KYNU: variants seen among roughly 807,000 people sequenced by gnomAD.
The protein encoded by KYNU is kynureninase.
KYNU carries 54 observed loss-of-function variants against 59.2 expected under a neutral mutation model. That is an observed-to-expected ratio of 0.91 (90% CI 0.73 to 1.14). The LOEUF is 1.14. Among genes scored for constraint, KYNU ranks in the 50% most tolerant of loss-of-function variants. The pLI is 0.00. For missense variants in KYNU, 567 were observed against 554.4 expected (o/e 1.02, Z -0.23); for synonymous variants, 177 against 192.0 (o/e 0.92, Z 0.65).
Position 143,045,344 on chromosome 2 carries a change from A to G in KYNU, c.*3172A>G, listed in dbSNP as rs550210837. On this transcript the variant is annotated 3_prime_UTR_variant, in exon 14 of 14. Transcript: ENST00000264170. ...TTTTTTGGTTCCATATGAAATTTAA[A>G]GTAGTTTTTTCTAATTCTGTGAAGA... is the stretch of plus-strand genomic sequence containing the variant. The G allele has an allele frequency of 4.9e-4, 75 of 152,282 alleles. No individual in the cohort carries two copies. Among genetic ancestry groups the G allele is most frequent in the African/African-American group, 1.7e-3 (72 of 41,572 alleles). The allele number at this position is 152,282 out of a possible 1,614,324, so 9.4% of individuals were successfully genotyped here. A position where few individuals can be genotyped will look rare whatever the true frequency, so the allele number is the denominator to read the frequency against.
At chr2:142,919,587 T>C (rs928527655) in intron 3 of KYNU, among the ~76,000 whole-genome samples, 3 of 152,198 alleles carry the variant, frequency 2.0e-5, no homozygotes, top group Non-Finnish European at 2.9e-5. Flanking sequence ...ATTCTTTACC[T>C]TTCTTCATTC....
At chr2:142,918,372 A>T (rs915372443) in intron 2 of KYNU, among the ~76,000 whole-genome samples, 1 of 152,112 alleles carries the variant, frequency 6.6e-6, no homozygotes, top group Admixed American at 6.6e-5. Flanking sequence ...TTCCTCATGG[A>T]GCACAGTAAA....
chr2:142,909,810 A>G (rs186281550), intron 2 of KYNU, among the ~76,000 whole-genome samples: 3 of 152,272 alleles, frequency 2.0e-5, no homozygotes, highest in Admixed American at 2.0e-4. Context: ...TTCTTTAGGT[A>G]TATACTTGGT....
At chr2:143,041,857 C>A (rs1687067055) in intron 13 of KYNU, among the ~76,000 whole-genome samples, 190 bp from the exon 14 acceptor site, 1 of 151,784 alleles carries the variant, frequency 6.6e-6, no homozygotes, top group Non-Finnish European at 1.5e-5. Flanking sequence ...ATTCTTATTT[C>A]TTAAATTATT....
intron 10 of KYNU, among the ~76,000 whole-genome samples, chr2:143,004,679 T>G (rs925763790): frequency 6.6e-6 from 1 of 152,158 alleles, no homozygotes; most frequent in African/African-American, 2.4e-5. Context: ...CCAGCCTGAG[T>G]GACAGAGCAA....
At chr2:142,905,480 A>C (rs2381355) in intron 2 of KYNU, among the ~76,000 whole-genome samples, 85,103 of 152,108 alleles carry the variant, frequency 0.56, 24,852 homozygotes, top group African/African-American at 0.71. Flanking sequence ...TAGGTCTGGT[A>C]GGACCTTTGT....
chr2:143,034,786 T>A (rs1465382853), intron 12 of KYNU, among the ~76,000 whole-genome samples: 1 of 152,250 alleles, frequency 6.6e-6, no homozygotes, highest in African/African-American at 2.4e-5. Flanking sequence ...ATAAAGTTTC[T>A]GCATTCCTTG....
intron 10 of KYNU, among the ~76,000 whole-genome samples, chr2:143,014,963 A>G (rs2105209054): frequency 6.6e-6 from 1 of 152,292 alleles, no homozygotes; most frequent in South Asian, 2.1e-4. Context: ...GCGTGATCAT[A>G]GATCACTGTA....
chr2:142,910,563 AGCTC>A (rs1682449336), intron 2 of KYNU, among the ~76,000 whole-genome samples: 2 of 152,038 alleles, frequency 1.3e-5, no homozygotes, highest in African/African-American at 4.8e-5. Flanking sequence ...GCTGTGCAGA[AGCTC>A]TTTAGTTTAA....
At chr2:142,915,820 G>A (rs1435428612) in intron 2 of KYNU, among the ~76,000 whole-genome samples, 1 of 152,168 alleles carries the variant, frequency 6.6e-6, no homozygotes, top group Non-Finnish European at 1.5e-5. Flanking sequence ...GTTGAATTAT[G>A]TTCCCTAAAA....
intron 1 of KYNU, among the ~76,000 whole-genome samples, chr2:142,880,874 T>C (rs1681271866): frequency 6.6e-6 from 1 of 152,214 alleles, no homozygotes; most frequent in African/African-American, 2.4e-5. Context: ...TGGGGAGCCA[T>C]TTAGAATCAA....
At position 142,899,016 on chromosome 2, in the gene KYNU, G is replaced by T. The variant is rs1681979552; in HGVS notation, c.169+13480G>T. ...CACTCTGCTAGATCCAGAGGGGTGG[G>T]AGTCAATGGTGGGTCTGAGATGGTG... On this transcript the variant is annotated intron_variant, in intron 2 of 13. Transcript: ENST00000264170. Among the ~76,000 whole-genome samples the T allele has an allele frequency of 2.0e-5, 3 of 152,174 alleles. No homozygotes were observed. The South Asian group carries it at 6.2e-4, about 32-fold the overall frequency.
At chr2:142,903,037 T>C (rs918088184) in intron 2 of KYNU, among the ~76,000 whole-genome samples, 2 of 152,156 alleles carry the variant, frequency 1.3e-5, no homozygotes, top group African/African-American at 4.8e-5. Flanking sequence ...CAGCTGGGTA[T>C]AGAGGAACAG....
At chr2:143,035,625 C>G (rs766949256) in intron 12 of KYNU, among the ~76,000 whole-genome samples, 4 of 152,038 alleles carry the variant, frequency 2.6e-5, no homozygotes, top group Admixed American at 6.5e-5. Context: ...AGGTCTTGCT[C>G]TGTTGTTCAG....
intron 4 of KYNU, among the ~76,000 whole-genome samples, chr2:142,953,266 G>A (rs529147844): frequency 1.3e-5 from 2 of 152,326 alleles, no homozygotes; most frequent in African/African-American, 4.8e-5. Flanking sequence ...AAAACATAGG[G>A]AAGGATTATG....
At chr2:142,988,766 T>C (rs1444196527) in intron 10 of KYNU, 2 of 964,150 alleles carry the variant, frequency 2.1e-6, no homozygotes, top group Admixed American at 3.4e-5. Flanking sequence ...TGTCAGTGAC[T>C]GATCTCAGTG....
chr2:142,928,144 T>C (rs1409632049), intron 4 of KYNU, among the ~76,000 whole-genome samples: 2 of 152,186 alleles, frequency 1.3e-5, no homozygotes, highest in African/African-American at 4.8e-5. Context: ...ATCATGTTTT[T>C]GCTCATTTCA....
intron 4 of KYNU, among the ~76,000 whole-genome samples, chr2:142,932,632 G>C (rs1167382702): frequency 6.6e-6 from 1 of 152,056 alleles, no homozygotes; most frequent in African/African-American, 2.4e-5. Flanking sequence ...AACGTATAAT[G>C]AATGACAAAT....
intron 2 of KYNU, among the ~76,000 whole-genome samples, chr2:142,900,474 T>TC (rs1461886852): frequency 2.0e-5 from 3 of 152,184 alleles, no homozygotes; most frequent in Non-Finnish European, 4.4e-5. Flanking sequence ...TCATTATCCC[T>TC]CCCCCTGTGC....
Sources: allele counts gnomAD v4.1 joint callset (sites outside exome capture counted in the v4.1 genomes callset), GRCh38; gene constraint gnomAD v4.1.1; transcripts MANE v1.5; gene names NCBI Gene and HGNC (gene_info 2026-07-23, HGNC 2026-07-21).